Variants in ABCC8 observed in about 807,000 individuals in gnomAD.
ABCC8 encodes ATP-binding cassette sub-family C member 8.
In ABCC8, 137 loss-of-function variants were observed where a neutral mutation model predicts 188.0. The ratio of observed to expected loss-of-function variants is 0.73; its 90% CI spans 0.63 to 0.84. The LOEUF (loss-of-function observed/expected upper bound fraction) is 0.84, where lower values mean the gene tolerates loss of function less well. Among genes scored for constraint, ABCC8 ranks in the 40% least tolerant of loss-of-function variants. The pLI, the probability that ABCC8 is intolerant of heterozygous loss-of-function variation, is 0.00. For missense variants in ABCC8, 1,750 were observed against 2,072.7 expected (o/e 0.84, Z 3.02); for synonymous variants, 797 against 846.5 (o/e 0.94, Z 1.01).
At chr11:17,462,038 G>T in intron 4 of ABCC8, 1 of 493,450 alleles carries the variant, frequency 2.0e-6, no homozygotes, top group Non-Finnish European at 2.6e-6. Context: ...GCTCATTGAG[G>T]TCGACTTTGA....
intron 16 of ABCC8, among the ~76,000 whole-genome samples, chr11:17,426,293 C>A (rs1955579610): frequency 1.3e-5 from 2 of 152,208 alleles, no homozygotes; most frequent in Non-Finnish European, 2.9e-5. Context: ...CTAATTTACA[C>A]TCCCACCAAC....
chr11:17,430,791 C>T (rs760153688), intron 12 of ABCC8, 23 bp downstream of exon 12: 1 of 1,612,752 alleles, frequency 6.2e-7, no homozygotes, highest in Non-Finnish European at 8.5e-7. Flanking sequence ...TGCCCAGTGC[C>T]CTCGCCCGGA....
At chr11:17,441,200 G>A (rs763421717) in intron 10 of ABCC8, among the ~76,000 whole-genome samples, 1 of 152,012 alleles carries the variant, frequency 6.6e-6, no homozygotes, top group Non-Finnish European at 1.5e-5. Flanking sequence ...GCCTCATAAT[G>A]GTGCCCCATG....
At chr11:17,413,548 G>T (rs2133474359) in intron 19 of ABCC8, 70 bp from the exon 20 acceptor site, 1 of 1,612,108 alleles carries the variant, frequency 6.2e-7, no homozygotes, top group South Asian at 1.1e-5. Flanking sequence ...CTTGCAGAGG[G>T]TCATTAGTCT....
Position 17,461,675 on chromosome 11 carries a change from G to C in ABCC8, c.730C>G (p.Pro244Ala). Residue 244 changes from proline (P) to alanine (A), a missense_variant, in exon 5 of 39, where the codon CCC (proline) becomes GCC (alanine). Physicochemically the swap from Pro to Ala is conservative, Grantham distance 27 (BLOSUM62 -1). Transcript: ENST00000389817. ...TTCCCGATGGCTCGCAAGTCGATGG[G>C]CTTCTTGTGGGCAGTCTTGATGAAG... ...NAFIKTAHKK[P>A]IDLRAIGKLP... is the part of the protein sequence containing the mutation. 2 of 1,614,250 alleles carry C rather than the reference G, an allele frequency of 1.2e-6. No individual in the cohort carries two copies. The highest frequency in any genetic ancestry group is 1.7e-6 in the Non-Finnish European group (2 of 1,180,048).
At chr11:17,413,515 C>T (rs1258757226) in intron 19 of ABCC8, 37 bp from the exon 20 acceptor site, 10 of 1,612,730 alleles carry the variant, frequency 6.2e-6, no homozygotes, top group Admixed American at 3.3e-5. Flanking sequence ...AGCTGGTCAG[C>T]CTGGTCAGAG....
Position 17,397,722 on chromosome 11 carries a change from CAG to C in ABCC8, c.3827_3828del (p.Ser1276CysfsTer129). 1.2e-6 allele frequency: 2 copies of C among 1,613,714 alleles called. No homozygotes were observed. Among genetic ancestry groups the C allele is most frequent in the Non-Finnish European group, 1.7e-6 (2 of 1,179,998 alleles). ...SISNSLHREL[S>X]AGLVGLGLTY... ...GTAAGGCCCAGGCCCACCAGGCCAG[CAG>C]AGAGCTCCCTGTGCAGGGAGTTGGA... On this transcript the variant is annotated frameshift_variant, in exon 31 of 39. Transcript: ENST00000389817. LOFTEE classifies it high-confidence loss of function.
chr11:17,444,042 G>T (rs927704316), intron 8 of ABCC8, among the ~76,000 whole-genome samples: 1 of 151,254 alleles, frequency 6.6e-6, no homozygotes, highest in Admixed American at 6.6e-5. Context: ...AGAGAGAAAG[G>T]ACTGCTTGCC....
At chr11:17,467,088 C>CACACAAT (rs1275115954) in intron 3 of ABCC8, among the ~76,000 whole-genome samples, 2 of 51,274 alleles carry the variant, frequency 3.9e-5, no homozygotes, top group Non-Finnish European at 1.0e-4. Context: ...ACACACACAA[C>CACACAAT]TTCCCATTGC....
chr11:17,448,140 G>C (rs1185820719), intron 8 of ABCC8: 1 of 203,352 alleles, frequency 4.9e-6, no homozygotes, highest in African/African-American at 2.3e-5. Flanking sequence ...TGCATAGAAG[G>C]GGTCTCACTG....
intron 9 of ABCC8, 69 bp from the exon 10 acceptor site, chr11:17,442,951 T>C: frequency 6.2e-7 from 1 of 1,601,254 alleles, no homozygotes; most frequent in Non-Finnish European, 8.5e-7. Context: ...AAGGCCTGAG[T>C]GTCAATACTG....
Position 17,412,672 on chromosome 11 carries a change from G to C in ABCC8, c.2550C>G (p.Val850=), listed in dbSNP as rs1337698785. The C allele has an allele frequency of 1.2e-6, 2 of 1,611,364 alleles. No homozygotes were observed. The highest frequency in any genetic ancestry group is 2.7e-5 in the African/African-American group (2 of 74,846). ...ARALYQHANV[V]FLDDPFSALD... ...CAAGGGAACTTGCACTCACCAAGAA[G>C]ACAACGTTGGCGTGCTGGTAGAGGG... The change falls in exon 21 of 39, where the codon GTC becomes GTG. Residue 850 remains valine (V), a synonymous_variant. Transcript: ENST00000389817.
At chr11:17,453,345 C>T in intron 6 of ABCC8, 62 bp from the exon 7 acceptor site, 10 of 1,601,060 alleles carry the variant, frequency 6.2e-6, no homozygotes, top group Non-Finnish European at 8.5e-6. Flanking sequence ...CCGTAGAACA[C>T]ATCACTGTGC....
chr11:17,475,940 G>A (rs529758739), intron 1 of ABCC8, among the ~76,000 whole-genome samples: 2 of 152,206 alleles, frequency 1.3e-5, no homozygotes, highest in Non-Finnish European at 2.9e-5. Flanking sequence ...CGGCCGTGGC[G>A]CCCAACTTTG....
downstream of ABCC8, chr11:17,392,586 C>T: frequency 5.7e-6 from 2 of 351,134 alleles, no homozygotes; most frequent in Middle Eastern, 1.0e-3. Context: ...GTCATGTGAG[C>T]ACACAGCCAG....
chr11:17,452,617 C>A (rs73425080), intron 7 of ABCC8, among the ~76,000 whole-genome samples: 1 of 152,214 alleles, frequency 6.6e-6, no homozygotes, highest in Admixed American at 6.5e-5. Context: ...TGCTTACCTC[C>A]TGATGTGTGG....
chr11:17,424,158 T>A (rs780370321), intron 16 of ABCC8, among the ~76,000 whole-genome samples: 2 of 151,858 alleles, frequency 1.3e-5, no homozygotes, highest in African/African-American at 2.4e-5. Flanking sequence ...ATACCGAGCC[T>A]GTCGGGGGGT....
intron 16 of ABCC8, among the ~76,000 whole-genome samples, chr11:17,426,029 G>A (rs998642855): frequency 4.6e-5 from 7 of 152,154 alleles, no homozygotes; most frequent in Non-Finnish European, 1.0e-4. Flanking sequence ...CCTTTTTTAT[G>A]TCTGCATAGT....
chr11:17,443,330 G>A lies in ABCC8; in HGVS notation c.1333-18C>T. 6.2e-7 allele frequency: 1 copy of A among 1,613,962 alleles called. No homozygotes were observed. The highest frequency in any genetic ancestry group is 1.1e-5 in the South Asian group (1 of 91,078). ...ACAATGATCTGAGGAAGGGGTCATGGGTCAGGTCCCTTTGACCTGATGGTT... is the reference window on the plus strand; with the variant it reads ...ACAATGATCTGAGGAAGGGGTCATGAGTCAGGTCCCTTTGACCTGATGGTT... On this transcript the variant is annotated intron_variant, in intron 8 of 38. Transcript: ENST00000389817.
Sources: allele counts gnomAD v4.1 joint callset (sites outside exome capture counted in the v4.1 genomes callset), GRCh38; gene constraint gnomAD v4.1.1; transcripts MANE v1.5; gene names NCBI Gene and HGNC (gene_info 2026-07-23, HGNC 2026-07-21).